TMA16: variants seen among roughly 807,000 people sequenced by gnomAD.
TMA16 encodes translation machinery associated 16 homolog.
A neutral mutation model predicts 27.1 loss-of-function variants in TMA16; 26 were observed. That is an observed-to-expected ratio of 0.96 (90% CI 0.70 to 1.33). The LOEUF (loss-of-function observed/expected upper bound fraction) is 1.33, where lower values mean the gene tolerates loss of function less well. Ranked by LOEUF, TMA16 falls within the 40% of genes most tolerant of loss-of-function variation. TMA16 has a pLI of 0.00. For missense variants in TMA16, 233 were observed against 241.4 expected (o/e 0.97, Z 0.23); for synonymous variants, 71 against 81.9 (o/e 0.87, Z 0.72).
intron 2 of TMA16, among the ~76,000 whole-genome samples, chr4:163,509,883 T>C (rs917652369): frequency 2.6e-5 from 4 of 152,192 alleles, no homozygotes; most frequent in Non-Finnish European, 5.9e-5. Flanking sequence ...TGACTCCTAA[T>C]GGAAGATTAA....
chr4:163,516,732 T>A (rs1006661119), intron 5 of TMA16, among the ~76,000 whole-genome samples: 1 of 152,190 alleles, frequency 6.6e-6, no homozygotes, highest in Non-Finnish European at 1.5e-5. Context: ...TTATTGAACT[T>A]CTTTAAGCAA....
chr4:163,513,593 C>G (rs982434644), intron 3 of TMA16, among the ~76,000 whole-genome samples: 1 of 151,970 alleles, frequency 6.6e-6, no homozygotes, highest in Non-Finnish European at 1.5e-5. Context: ...ACTTTGGGGC[C>G]CTGGACAGGT....
chr4:163,503,027 C>G (rs1185332692), intron 1 of TMA16, among the ~76,000 whole-genome samples: 1 of 152,092 alleles, frequency 6.6e-6, no homozygotes, highest in African/African-American at 2.4e-5. Context: ...AAATACTTAC[C>G]TTTGTGTTAC....
chr4:163,520,492 T>G lies in TMA16; in HGVS notation c.*978T>G, dbSNP rs1286483525. Reference sequence around the variant, plus strand: ...TTGTTAACAGTTAAAGTATTATAACTTTTTTTACTTCTGAAAATTAAAAAT... The same window carrying G: ...TTGTTAACAGTTAAAGTATTATAACGTTTTTTACTTCTGAAAATTAAAAAT... On this transcript the variant is annotated 3_prime_UTR_variant, in exon 7 of 7. Coordinates refer to ENST00000358572, the MANE Select transcript of TMA16 (RefSeq NM_018352.3). 2.0e-5 allele frequency: 3 copies of G among 152,116 alleles called. No individual in the cohort carries two copies. Among genetic ancestry groups the G allele is most frequent in the African/African-American group, 4.8e-5 (2 of 41,452 alleles). 9.4% of individuals were successfully genotyped at this position (152,116 alleles called of 1,614,324 possible). A position where few individuals can be genotyped will look rare whatever the true frequency, so the allele number is the denominator to read the frequency against.
intron 1 of TMA16, 121 bp downstream of exon 1, chr4:163,494,925 A>G: frequency 2.8e-6 from 4 of 1,433,116 alleles, no homozygotes; most frequent in Non-Finnish European, 3.8e-6. Context: ...CAAAGTGTTT[A>G]TTTTCAGGGA....
At chr4:163,500,309 C>G (rs112298921) in intron 1 of TMA16, among the ~76,000 whole-genome samples, 2,523 of 149,202 alleles carry the variant, frequency 0.017, 64 homozygotes, top group African/African-American at 0.058. Context: ...CTCCAAGGTT[C>G]AAGCAATTCT....
rs201147615 is a variant in TMA16, at chr4:163,507,063, C to T, written c.34C>T (p.Arg12Trp). 18 of 1,593,174 alleles carry T rather than the reference C, an allele frequency of 1.1e-5. No individual in the cohort carries two copies. The highest frequency in any genetic ancestry group is 5.4e-5 in the African/African-American group (4 of 74,458). The change falls in exon 2 of 7, where the codon CGG becomes TGG. Residue 12 changes from arginine to tryptophan, a missense_variant. Transcript: ENST00000358572. ...PKAPKGKSAGREKKVIHPYSR... is the reference protein window; with the variant it reads ...PKAPKGKSAGWEKKVIHPYSR... ...AGCACCAAAGGGAAAAAGTGCAGGACGGGAAAAAAAAGTCATCCATCCATA... is the reference window on the plus strand; with the variant it reads ...AGCACCAAAGGGAAAAAGTGCAGGATGGGAAAAAAAAGTCATCCATCCATA...
At chr4:163,500,815 C>T (rs569301614) in intron 1 of TMA16, among the ~76,000 whole-genome samples, 42 of 152,256 alleles carry the variant, frequency 2.8e-4, no homozygotes, top group Admixed American at 4.6e-4. Context: ...TCTTGTTTTT[C>T]ACTTCTTATA....
chr4:163,505,718 T>G (rs1737710087), intron 1 of TMA16, among the ~76,000 whole-genome samples: 1 of 152,148 alleles, frequency 6.6e-6, no homozygotes, highest in African/African-American at 2.4e-5. Flanking sequence ...TGCTAAAGAC[T>G]TGGGACCTAA....
chr4:163,517,769 A>T (rs77901820), intron 6 of TMA16, among the ~76,000 whole-genome samples: 1 of 152,190 alleles, frequency 6.6e-6, no homozygotes, highest in African/African-American at 2.4e-5. Flanking sequence ...TTATTTTTTT[A>T]AAAAAGAAGT....
Position 163,519,347 on chromosome 4 carries a change from G to A in TMA16, c.445G>A (p.Asp149Asn), listed in dbSNP as rs533557320. 1.5e-5 allele frequency: 24 copies of A among 1,577,618 alleles called. No individual in the cohort carries two copies. In the South Asian group the frequency reaches 2.3e-4, roughly 15 times the overall value. The change falls in exon 7 of 7, where the codon GAT (aspartate) becomes AAT (asparagine). Residue 149 changes from aspartate to asparagine, a missense_variant. Asp to Asn is a conservative substitution (Grantham distance 23). Transcript: ENST00000358572. ...NLKTFREWDFDLKKLPNIKMR... is the reference protein window; with the variant it reads ...NLKTFREWDFNLKKLPNIKMR... Reference sequence around the variant, plus strand: ...CCTTTTGTCTAGGGAATGGGACTTTGATCTGAAGAAATTACCAAACATTAA... The same window carrying A: ...CCTTTTGTCTAGGGAATGGGACTTTAATCTGAAGAAATTACCAAACATTAA...
intron 1 of TMA16, among the ~76,000 whole-genome samples, chr4:163,499,350 T>C (rs991745647): frequency 6.6e-6 from 1 of 152,142 alleles, no homozygotes; most frequent in Non-Finnish European, 1.5e-5. Flanking sequence ...CTTCTGAATT[T>C]TATATAATGT....
At chr4:163,498,198 A>G (rs1033908510) in intron 1 of TMA16, among the ~76,000 whole-genome samples, 1 of 152,090 alleles carries the variant, frequency 6.6e-6, no homozygotes. Context: ...CAGACATTGC[A>G]ATACTGCTGC....
intron 1 of TMA16, among the ~76,000 whole-genome samples, chr4:163,501,080 C>G (rs11729910): frequency 0.11 from 17,430 of 152,154 alleles, 1,287 homozygotes; most frequent in East Asian, 0.36. Flanking sequence ...TAAAATTGAT[C>G]AGGCCAGTCA....
chr4:163,515,044 G>A (rs1737854099), intron 4 of TMA16, among the ~76,000 whole-genome samples: 1 of 152,068 alleles, frequency 6.6e-6, no homozygotes, highest in Admixed American at 6.5e-5. Context: ...ATGTGCTAAC[G>A]GTGAAGCCAC....
Position 163,494,713 on chromosome 4 carries a change from GGGT to G in TMA16, c.-87_-85del. The G allele has an allele frequency of 6.3e-7, 1 of 1,587,688 alleles. No individual in the cohort carries two copies. Among genetic ancestry groups the G allele is most frequent in the Non-Finnish European group, 8.6e-7 (1 of 1,158,368 alleles). On this transcript the variant is annotated 5_prime_UTR_variant, in exon 1 of 7. Transcript: ENST00000358572. ...TCAGGCGCCACGTGGGATTCGGCCC[GGGT>G]GCTCTTGTGAGCTGCTGCTCCTGCG...
chr4:163,494,703 G>T lies in TMA16; in HGVS notation c.-99G>T. ...CGCGGGCTTCTCAGGCGCCACGTGG[G>T]ATTCGGCCCGGGTGCTCTTGTGAGC... is the stretch of plus-strand genomic sequence containing the variant. On this transcript the variant is annotated 5_prime_UTR_variant, in exon 1 of 7. Transcript: ENST00000358572. The T allele has an allele frequency of 6.4e-7, 1 of 1,555,534 alleles. No individual in the cohort carries two copies. The highest frequency in any genetic ancestry group is 1.1e-5 in the South Asian group (1 of 89,802).
chr4:163,509,897 A>G (rs532867223), intron 2 of TMA16, among the ~76,000 whole-genome samples: 1 of 152,366 alleles, frequency 6.6e-6, no homozygotes, highest in Non-Finnish European at 1.5e-5. Context: ...AGATTAACAA[A>G]GGAAACTAAG....
Position 163,519,660 on chromosome 4 carries a change from T to A in TMA16, c.*146T>A. 2 of 764,834 alleles carry A rather than the reference T, an allele frequency of 2.6e-6. No homozygotes were observed. The highest frequency in any genetic ancestry group is 4.0e-6 in the Non-Finnish European group (2 of 500,702). 47.4% of individuals were successfully genotyped at this position (764,834 alleles called of 1,614,324 possible). ...TTCATTTGCGTTTCAAAAATGGTGT[T>A]ATGATACTTATTTTAAAATGAAGAT... On this transcript the variant is annotated 3_prime_UTR_variant, in exon 7 of 7. Coordinates refer to ENST00000358572, the MANE Select transcript of TMA16 (RefSeq NM_018352.3).
Sources: gnomAD v4.1 joint callset for allele counts (sites outside exome capture counted in the v4.1 genomes callset) on GRCh38, gnomAD v4.1.1 for gene constraint, MANE v1.5 for transcripts, NCBI Gene and HGNC (gene_info 2026-07-23, HGNC 2026-07-21) for gene names.